PLCE1: variants seen among roughly 807,000 people sequenced by gnomAD.
PLCE1 encodes phospholipase C epsilon 1.
Under a neutral mutation model 242.8 loss-of-function variants are expected in PLCE1, and 119 were observed. The ratio of observed to expected loss-of-function variants is 0.49; its 90% CI spans 0.42 to 0.57. The LOEUF (loss-of-function observed/expected upper bound fraction) is 0.57. Ranked by LOEUF, PLCE1 falls within the 20% of genes least tolerant of loss-of-function variation. PLCE1 has a pLI of 0.00. For synonymous variants in PLCE1, 945 were observed against 1,017.4 expected (o/e 0.93, Z 1.35); for missense variants, 2,441 against 2,788.8 (o/e 0.88, Z 2.81).
At chr10:94,053,098 G>A (rs189785905) in intron 2 of PLCE1, among the ~76,000 whole-genome samples, 72 of 152,314 alleles carry the variant, frequency 4.7e-4, no homozygotes, top group African/African-American at 1.7e-3. Flanking sequence ...AGTGGAATGT[G>A]TTATACAGGC....
chr10:94,002,057 G>A (rs910635286), intron 1 of PLCE1, among the ~76,000 whole-genome samples: 1 of 151,966 alleles, frequency 6.6e-6, no homozygotes, highest in African/African-American at 2.4e-5. Context: ...CATGGCTTGG[G>A]CACAGTTTTA....
intron 4 of PLCE1, among the ~76,000 whole-genome samples, chr10:94,220,416 A>G (rs1250572761): frequency 8.3e-6 from 1 of 120,924 alleles, no homozygotes; most frequent in Admixed American, 8.8e-5. Flanking sequence ...ATATATATAT[A>G]TATGATTGGG....
At chr10:94,259,191 G>C (rs771360894) in intron 13 of PLCE1, 41 bp downstream of exon 13, 62 of 1,606,736 alleles carry the variant, frequency 3.9e-5, no homozygotes, top group Admixed American at 6.7e-5. Context: ...GGATCAATCT[G>C]TCTAAAACTT....
chr10:94,154,097 G>A (rs1163025533), intron 3 of PLCE1, among the ~76,000 whole-genome samples: 1 of 152,152 alleles, frequency 6.6e-6, no homozygotes, highest in African/African-American at 2.4e-5. Flanking sequence ...TAACCAAAAT[G>A]TTGTGATACA....
intron 22 of PLCE1, among the ~76,000 whole-genome samples, chr10:94,290,673 T>C (rs1264383310): frequency 6.6e-6 from 1 of 151,416 alleles, no homozygotes; most frequent in African/African-American, 2.4e-5. Context: ...AGTTAACATA[T>C]ATATATATAT....
At chr10:94,161,004 CTGTAGCCT>C (rs2047595000) in intron 3 of PLCE1, among the ~76,000 whole-genome samples, 1 of 152,176 alleles carries the variant, frequency 6.6e-6, no homozygotes, top group African/African-American at 2.4e-5. Flanking sequence ...GTTTTGGTTA[CTGTAGCCT>C]TGTAGTATAG....
At chr10:94,210,068 A>C (rs537811809) in intron 4 of PLCE1, among the ~76,000 whole-genome samples, 26 of 152,264 alleles carry the variant, frequency 1.7e-4, no homozygotes, top group African/African-American at 6.0e-4. Context: ...ATATTTGTCC[A>C]GTCAACAGAC....
intron 3 of PLCE1, among the ~76,000 whole-genome samples, chr10:94,158,854 C>CTTTTTTTTTTTTTTTTT (rs35760715): frequency 9.0e-5 from 10 of 111,576 alleles, no homozygotes; most frequent in Non-Finnish European, 1.6e-4. Context: ...TCTTCTTTTT[C>CTTTTTTTTTTTTTTTTT]TTTTTTTTTT....
chr10:94,227,068 GC>G, intron 4 of PLCE1: 1 of 438,022 alleles, frequency 2.3e-6, no homozygotes, highest in Non-Finnish European at 4.2e-6. Context: ...GTAGAAACGG[GC>G]TTTCACCACG....
intron 27 of PLCE1, among the ~76,000 whole-genome samples, chr10:94,311,725 G>A (rs1167638443): frequency 2.0e-5 from 3 of 152,104 alleles, no homozygotes; most frequent in Non-Finnish European, 4.4e-5. Context: ...CATTTCCTCT[G>A]GGTTTGCCAC....
chr10:94,270,302 T>C (rs1229638861), intron 17 of PLCE1, among the ~76,000 whole-genome samples, 184 bp from the exon 18 acceptor site: 1 of 152,242 alleles, frequency 6.6e-6, no homozygotes, highest in Non-Finnish European at 1.5e-5. Flanking sequence ...ATACTCACTA[T>C]AAAGTTTAAT....
intron 19 of PLCE1, among the ~76,000 whole-genome samples, chr10:94,277,643 T>C (rs549607213): frequency 2.0e-5 from 3 of 152,182 alleles, no homozygotes; most frequent in Non-Finnish European, 4.4e-5. Context: ...TGGCATTACC[T>C]TGAGTGCTCG....
At chr10:94,020,261 A>C (rs1334055629) in intron 1 of PLCE1, among the ~76,000 whole-genome samples, 1 of 152,144 alleles carries the variant, frequency 6.6e-6, no homozygotes, top group African/African-American at 2.4e-5. Flanking sequence ...ATGATGTTGA[A>C]TATCTTTTCG....
At chr10:94,227,631 A>G (rs1022122235) in intron 5 of PLCE1, among the ~76,000 whole-genome samples, 180 bp downstream of exon 5, 25 of 152,352 alleles carry the variant, frequency 1.6e-4, no homozygotes, top group Middle Eastern at 3.4e-3. Context: ...ATGCTGCAGA[A>G]TTCAGCCCCT....
At chr10:94,230,659 G>A (rs187437208) in intron 5 of PLCE1, among the ~76,000 whole-genome samples, 4 of 151,956 alleles carry the variant, frequency 2.6e-5, no homozygotes, top group Non-Finnish European at 4.4e-5. Context: ...CACCCAGGCT[G>A]GAGTGCAGGA....
intron 2 of PLCE1, among the ~76,000 whole-genome samples, chr10:94,102,472 G>T (rs1240765325): frequency 6.6e-6 from 1 of 152,176 alleles, no homozygotes; most frequent in Non-Finnish European, 1.5e-5. Flanking sequence ...TGATACCTTT[G>T]TCCCCTTTTG....
At chr10:94,008,206 A>G (rs1322427754) in intron 1 of PLCE1, among the ~76,000 whole-genome samples, 1 of 131,950 alleles carries the variant, frequency 7.6e-6, no homozygotes, top group Non-Finnish European at 1.6e-5. Context: ...AAAAAAAAAA[A>G]AAAAAAAAGT....
intron 25 of PLCE1, among the ~76,000 whole-genome samples, chr10:94,304,930 T>C (rs1444928497): frequency 1.3e-5 from 2 of 152,202 alleles, no homozygotes; most frequent in Middle Eastern, 3.2e-3. Context: ...CACAGAATCA[T>C]AACTATGAGT....
chr10:94,262,375 G>T lies in PLCE1; in HGVS notation c.3815-119G>T, dbSNP rs1589437562. 37 of 791,388 alleles carry T rather than the reference G, an allele frequency of 4.7e-5. No homozygotes were observed. Among genetic ancestry groups the T allele is most frequent in the Admixed American group, 1.7e-5 (1 of 58,710 alleles). 49.0% of individuals were successfully genotyped at this position (791,388 alleles called of 1,614,324 possible). Reference sequence around the variant, plus strand: ...GAAATAAACACTTCTTTGATGGCTTGTTTAGGTACATTAGTAAAGAGCTTC... The same window carrying T: ...GAAATAAACACTTCTTTGATGGCTTTTTTAGGTACATTAGTAAAGAGCTTC... On this transcript the variant is annotated intron_variant, in intron 13 of 32. Coordinates refer to ENST00000371380, the MANE Select transcript of PLCE1 (RefSeq NM_016341.4).
Sources: gnomAD v4.1 joint callset for allele counts (sites outside exome capture counted in the v4.1 genomes callset) on GRCh38, gnomAD v4.1.1 for gene constraint, MANE v1.5 for transcripts, NCBI Gene and HGNC (gene_info 2026-07-23, HGNC 2026-07-21) for gene names.